PLB1: variants seen among roughly 807,000 people sequenced by gnomAD.
PLB1 encodes the protein phospholipase B1, membrane-associated.
Under a neutral mutation model 227.4 loss-of-function variants are expected in PLB1, and 242 were observed. The observed-to-expected ratio is 1.06, with a 90% CI of 0.96 to 1.18. The LOEUF (loss-of-function observed/expected upper bound fraction) is 1.18, where lower values mean the gene tolerates loss of function less well. Among genes scored for constraint, PLB1 ranks in the 50% most tolerant of loss-of-function variants. The pLI is 0.00. For missense variants in PLB1, 1,858 were observed against 1,816.3 expected (o/e 1.02, Z -0.42); for synonymous variants, 757 against 682.2 (o/e 1.11, Z -1.71).
Position 28,628,643 on chromosome 2 carries a change from AC to A in PLB1, c.3726+16del. 6.2e-7 allele frequency: 1 copy of A among 1,613,762 alleles called. No homozygotes were observed. Among genetic ancestry groups the A allele is most frequent in the Non-Finnish European group, 8.5e-7 (1 of 1,179,676 alleles). Reference sequence around the variant, plus strand: ...TCTCTGAGGAGGTAGGAGAGGGGTTACGTGTTCCTGGGTCCCGCCAGCCACC... The same window carrying A: ...TCTCTGAGGAGGTAGGAGAGGGGTTAGTGTTCCTGGGTCCCGCCAGCCACC... On this transcript the variant is annotated intron_variant, in intron 52 of 57. Coordinates refer to ENST00000327757, the MANE Select transcript of PLB1 (RefSeq NM_153021.5).
chr2:28,532,176 G>A lies in PLB1; in HGVS notation c.537G>A (p.Leu179=), dbSNP rs78168838. Reference sequence around the variant, plus strand: ...TCAGTAATGCAAGCCAGTGTTACCTGTGCCCCTCTGCTCAACAGGTAAATG... The same window carrying A: ...TCAGTAATGCAAGCCAGTGTTACCTATGCCCCTCTGCTCAACAGGTAAATG... ...VFFSNASQCY[L]CPSAQQNGLA... is the part of the protein sequence containing the mutation. The change falls in exon 9 of 58, where the codon CTG becomes CTA. Residue 179 remains leucine (L), a synonymous_variant. Transcript: ENST00000327757. 8.6e-4 allele frequency: 1,389 copies of A among 1,612,548 alleles called. No individual in the cohort carries two copies. The highest frequency in any genetic ancestry group is 1.1e-3 in the Non-Finnish European group (1,299 of 1,179,204).
At chr2:28,611,373 G>T (rs747412396) in intron 43 of PLB1, among the ~76,000 whole-genome samples, 3 of 152,136 alleles carry the variant, frequency 2.0e-5, no homozygotes, top group African/African-American at 7.2e-5. Context: ...TTCTGGTCAC[G>T]GTAGGACTGA....
At chr2:28,589,244 G>A (rs1681455132) in intron 26 of PLB1, among the ~76,000 whole-genome samples, 1 of 152,122 alleles carries the variant, frequency 6.6e-6, no homozygotes, top group African/African-American at 2.4e-5. Flanking sequence ...TGCAATCGCA[G>A]CAGAGTTTGG....
chr2:28,498,855 T>C (rs1336704447), intron 1 of PLB1, among the ~76,000 whole-genome samples: 1 of 152,244 alleles, frequency 6.6e-6, no homozygotes, highest in Non-Finnish European at 1.5e-5. Context: ...TAAATTGTAC[T>C]ATCAGCTTGG....
At chr2:28,547,144 T>C (rs1673389316) in intron 14 of PLB1, among the ~76,000 whole-genome samples, 1 of 142,162 alleles carries the variant, frequency 7.0e-6, no homozygotes, top group African/African-American at 2.6e-5. Flanking sequence ...AAGGCTGCAA[T>C]GAACTGTGAT....
chr2:28,582,165 T>C lies in PLB1; in HGVS notation c.1632+32T>C, dbSNP rs748338202. The C allele has an allele frequency of 1.9e-6, 3 of 1,598,416 alleles. No individual in the cohort carries two copies. The South Asian group carries it at 3.3e-5, about 18-fold the overall frequency. ...AGGCTAGGCCATGAGGCCTGCATCT[T>C]AGACCTCAGACCTAGCCTAGAGGAA... On this transcript the variant is annotated intron_variant, in intron 24 of 57. Transcript: ENST00000327757.
chr2:28,536,066 A>G (rs190043880), intron 9 of PLB1, among the ~76,000 whole-genome samples: 13 of 152,368 alleles, frequency 8.5e-5, no homozygotes, highest in African/African-American at 3.1e-4. Flanking sequence ...AGTTCACACG[A>G]GAAAAACATG....
intron 56 of PLB1, among the ~76,000 whole-genome samples, chr2:28,636,011 A>ATGTATGAATG (rs1689271909): frequency 1.0e-5 from 1 of 98,516 alleles, no homozygotes; most frequent in South Asian, 4.1e-4. Context: ...ATGTGTATGT[A>ATGTATGAATG]TGTATGAATG....
chr2:28,496,488 T>G (rs909852313), intron 1 of PLB1, among the ~76,000 whole-genome samples: 1 of 152,148 alleles, frequency 6.6e-6, no homozygotes, highest in African/African-American at 2.4e-5. Context: ...TTTGGGCAAG[T>G]TCTTCCACCT....
At chr2:28,504,155 C>T (rs1667394267) in intron 1 of PLB1, among the ~76,000 whole-genome samples, 1 of 152,166 alleles carries the variant, frequency 6.6e-6, no homozygotes. Context: ...GGAATGCCAG[C>T]ACAACGTTTG....
In PLB1 at chr2:28,528,409, G is replaced by A. The variant is rs114523792; in HGVS notation, c.326-908G>A. 4.4e-3 allele frequency among the ~76,000 whole-genome samples: 672 copies of A among 152,264 alleles called. 4 individuals carry two copies. The highest frequency in any genetic ancestry group is 0.015 in the African/African-American group (640 of 41,544). On this transcript the variant is annotated intron_variant, in intron 6 of 57. Transcript: ENST00000327757. ...TGCTCCTGACAGCACTATTTTTAGC[G>A]GTCCTCTGGCTGTCAGCTCTGGGAC...
Position 28,632,998 on chromosome 2 carries a change from C to A in PLB1, c.4057C>A (p.Arg1353Ser), listed in dbSNP as rs370874715. 6.8e-5 allele frequency: 109 copies of A among 1,614,008 alleles called. No individual in the cohort carries two copies. The highest frequency in any genetic ancestry group is 9.0e-5 in the Non-Finnish European group (106 of 1,180,014). Residue 1353 changes from arginine (R) to serine (S), a missense_variant, in exon 56 of 58, where the codon CGC becomes AGC. By Grantham distance (110) the Arg-to-Ser change is moderately radical. Transcript: ENST00000327757. ...CGAGGACTGTTTTCACTTCTCAGAC[C>A]GCGGGCATGCCGAGATGGCCATCGC... ...FSEDCFHFSD[R>S]GHAEMAIALW... is the part of the protein sequence containing the mutation.
chr2:28,551,966 A>C (rs1039267488), intron 16 of PLB1, among the ~76,000 whole-genome samples: 1 of 152,200 alleles, frequency 6.6e-6, no homozygotes, highest in Non-Finnish European at 1.5e-5. Flanking sequence ...CTATTTGTTG[A>C]ATGAAAAAAT....
chr2:28,620,338 G>T lies in PLB1; in HGVS notation c.3383+6G>T, dbSNP rs1377798174. 6.3e-7 allele frequency: 1 copy of T among 1,590,576 alleles called. No homozygotes were observed. The highest frequency in any genetic ancestry group is 1.3e-5 in the African/African-American group (1 of 74,340). The stretch of plus-strand genomic sequence containing the variant: ...TGGAGGGGACTCTCTTGGAGGTGAG[G>T]ATGTTCTTGATGCATGCTCTATTGA... On this transcript the variant is annotated splice_donor_region_variant and intron_variant, in intron 47 of 57. Coordinates refer to ENST00000327757, the MANE Select transcript of PLB1 (RefSeq NM_153021.5).
At chr2:28,555,958 TC>T (rs1008453608) in intron 17 of PLB1, among the ~76,000 whole-genome samples, 1 of 149,908 alleles carries the variant, frequency 6.7e-6, no homozygotes, top group African/African-American at 2.5e-5. Flanking sequence ...AGCCTTGATC[TC>T]CCTGGCTCGA....
rs1239548371 is a variant in PLB1, at chr2:28,620,662, A to C, written c.3427+19A>C. 5.0e-6 allele frequency: 8 copies of C among 1,613,752 alleles called. No homozygotes were observed. In the African/African-American group the frequency reaches 9.3e-5, roughly 19 times the overall value. On this transcript the variant is annotated intron_variant, in intron 48 of 57. Coordinates refer to ENST00000327757, the MANE Select transcript of PLB1 (RefSeq NM_153021.5). Reference sequence around the variant, plus strand: ...CTGCCCAGTAAGTAGCAGCCCAGAGAGGCACCATCACTGTGGCCGTCCTCC... The same window carrying C: ...CTGCCCAGTAAGTAGCAGCCCAGAGCGGCACCATCACTGTGGCCGTCCTCC...
intron 50 of PLB1, among the ~76,000 whole-genome samples, chr2:28,625,626 CCGCTTCTCAGTCCA>C (rs1421669002): frequency 2.0e-5 from 3 of 152,140 alleles, no homozygotes; most frequent in Non-Finnish European, 4.4e-5. Context: ...AGCCCCAACC[CCGCTTCTCAGTCCA>C]CGCTGGGCTC....
At chr2:28,626,082 G>A (rs1467688047) in intron 50 of PLB1, among the ~76,000 whole-genome samples, 1 of 151,182 alleles carries the variant, frequency 6.6e-6, no homozygotes, top group Non-Finnish European at 1.5e-5. Flanking sequence ...TGCAGCATCT[G>A]CCTCCTGGGT....
rs376348675 is a variant in PLB1, at chr2:28,524,047, G to A, written c.244-1220G>A. Among the ~76,000 whole-genome samples the A allele has an allele frequency of 5.3e-5, 8 of 152,378 alleles. No homozygotes were observed. The South Asian group carries it at 8.3e-4, about 16-fold the overall frequency. On this transcript the variant is annotated intron_variant, in intron 4 of 57. Coordinates refer to ENST00000327757, the MANE Select transcript of PLB1 (RefSeq NM_153021.5). The stretch of plus-strand genomic sequence containing the variant: ...AAAGGACGCTGTCTCCAATTAGTGA[G>A]ATTTCCCAGTCAGCCTGTCCTACCT...
Sources: allele counts gnomAD v4.1 joint callset (sites outside exome capture counted in the v4.1 genomes callset), GRCh38; gene constraint gnomAD v4.1.1; transcripts MANE v1.5; gene names NCBI Gene and HGNC (gene_info 2026-07-23, HGNC 2026-07-21).